PRDM15: variants seen among roughly 807,000 people sequenced by gnomAD.
The protein encoded by PRDM15 is PR/SET domain 15.
A neutral mutation model predicts 128.6 loss-of-function variants in PRDM15; 64 were observed. That is an observed-to-expected ratio of 0.50 (90% CI 0.41 to 0.61). The LOEUF (loss-of-function observed/expected upper bound fraction) is 0.61, where lower values mean the gene tolerates loss of function less well. PRDM15 is among the 20% of genes least tolerant of loss of function. The pLI is 0.00. For missense variants in PRDM15, 1,242 were observed against 1,569.1 expected (o/e 0.79, Z 3.52); for synonymous variants, 615 against 621.8 (o/e 0.99, Z 0.16).
intron 1 of PRDM15, among the ~76,000 whole-genome samples, chr21:41,878,357 G>GA (rs1470694834): frequency 9.2e-5 from 14 of 152,098 alleles, no homozygotes; most frequent in Non-Finnish European, 1.6e-4. Flanking sequence ...ATTTGTGGGG[G>GA]AAAAAACCAT....
chr21:41,820,992 T>C (rs2062239376), intron 16 of PRDM15, 75 bp downstream of exon 16: 3 of 1,577,966 alleles, frequency 1.9e-6, no homozygotes, highest in South Asian at 1.1e-5. Context: ...TGGCTCCTTA[T>C]AGCATGTGTC....
Position 41,800,245 on chromosome 21 carries a change from G to A in PRDM15, c.*995C>T, listed in dbSNP as rs2061384981. On this transcript the variant is annotated 3_prime_UTR_variant, in exon 24 of 24. Transcript: ENST00000398548. The stretch of plus-strand genomic sequence containing the variant: ...CTTTTCCCCCGTTTCTTCCACTCGG[G>A]ATTCTGGCTGGGCTTCAGCCAGAAT... The A allele has an allele frequency of 6.6e-6, 1 of 152,208 alleles. No individual in the cohort carries two copies. The highest frequency in any genetic ancestry group is 6.5e-5 in the Admixed American group (1 of 15,286). 9.4% of individuals were successfully genotyped at this position (152,208 alleles called of 1,614,324 possible).
intron 1 of PRDM15, among the ~76,000 whole-genome samples, chr21:41,873,909 G>A (rs1025731215): frequency 2.0e-5 from 3 of 152,034 alleles, no homozygotes; most frequent in Non-Finnish European, 4.4e-5. Flanking sequence ...AGCCAGGCAT[G>A]GTGGCACATG....
At chr21:41,834,814 G>A (rs1377519412) in intron 11 of PRDM15, among the ~76,000 whole-genome samples, 1 of 152,258 alleles carries the variant, frequency 6.6e-6, no homozygotes, top group Non-Finnish European at 1.5e-5. Context: ...TTCGGCCAGA[G>A]AGACAGGGGC....
rs2061816307 is a variant in PRDM15, at chr21:41,810,133, G to A, written c.2652+21C>T. 1.3e-6 allele frequency: 2 copies of A among 1,592,018 alleles called. No homozygotes were observed. Among genetic ancestry groups the A allele is most frequent in the Non-Finnish European group, 1.7e-6 (2 of 1,169,332 alleles). ...CGCGGCCCGCTGGCGGGGCACGGAG[G>A]GGGCACAGCCACCAGCTCACCTCGG... is the stretch of plus-strand genomic sequence containing the variant. On this transcript the variant is annotated intron_variant, in intron 21 of 23. Coordinates refer to ENST00000398548, the MANE Select transcript of PRDM15 (RefSeq NM_001040424.3). The surrounding 1 kb of genome is among the most constrained non-coding windows in gnomAD (Gnocchi z 6.4).
chr21:41,831,647 G>A (rs2062695843), intron 11 of PRDM15, among the ~76,000 whole-genome samples: 1 of 152,224 alleles, frequency 6.6e-6, no homozygotes, highest in Non-Finnish European at 1.5e-5. Context: ...AGGCATGGCC[G>A]ACAGCGAAGA....
At chr21:41,869,900 A>G (rs2064151656) in intron 1 of PRDM15, among the ~76,000 whole-genome samples, 1 of 152,210 alleles carries the variant, frequency 6.6e-6, no homozygotes, top group Non-Finnish European at 1.5e-5. Flanking sequence ...CCTCTGTCAA[A>G]GCCGGATGCC....
chr21:41,871,892 C>T (rs1055282848), intron 1 of PRDM15: 11 of 319,862 alleles, frequency 3.4e-5, no homozygotes, highest in African/African-American at 1.3e-4. Flanking sequence ...CCTCCACCTG[C>T]GCACACCTAC....
chr21:41,863,941 T>A (rs2063910411), intron 1 of PRDM15, among the ~76,000 whole-genome samples: 1 of 151,986 alleles, frequency 6.6e-6, no homozygotes, highest in Non-Finnish European at 1.5e-5. Context: ...CCTCCCAAGT[T>A]CAAGCGATTC....
At chr21:41,836,067 T>C (rs1362945715) in intron 10 of PRDM15, 46 bp downstream of exon 10, 1 of 1,354,192 alleles carries the variant, frequency 7.4e-7, no homozygotes, top group Non-Finnish European at 1.0e-6. Flanking sequence ...GTTGTCTGTG[T>C]TGTCCACACA....
intron 1 of PRDM15, among the ~76,000 whole-genome samples, chr21:41,860,794 G>A (rs1047427261): frequency 5.3e-5 from 8 of 152,174 alleles, no homozygotes; most frequent in African/African-American, 1.9e-4. Context: ...ATTACGTGGT[G>A]TTCTAAAGAG....
intron 1 of PRDM15, among the ~76,000 whole-genome samples, chr21:41,860,840 G>C (rs1019465515): frequency 1.3e-5 from 2 of 152,126 alleles, no homozygotes; most frequent in Admixed American, 1.3e-4. Context: ...TGTGGGATGG[G>C]GCTGGGATCC....
intron 8 of PRDM15, among the ~76,000 whole-genome samples, chr21:41,837,402 A>G (rs2062930350): frequency 6.6e-6 from 1 of 152,234 alleles, no homozygotes; most frequent in South Asian, 2.1e-4. Context: ...GACACAGGCT[A>G]CACATGGATG....
chr21:41,829,683 T>G (rs1409396955), intron 11 of PRDM15, among the ~76,000 whole-genome samples: 1 of 143,004 alleles, frequency 7.0e-6, no homozygotes, highest in Non-Finnish European at 1.5e-5. Flanking sequence ...ACCCCAAATA[T>G]ACACACACCA....
chr21:41,879,319 A>T lies in PRDM15; in HGVS notation c.-59T>A. ...GATCGGATCCGGACTCCGGGTTGCG[A>T]TCCGCTCCGGAAACTGCGCAGCACC... is the stretch of plus-strand genomic sequence containing the variant. On this transcript the variant is annotated 5_prime_UTR_variant, in exon 1 of 24. Transcript: ENST00000398548. The surrounding 1 kb of genome is among the most constrained non-coding windows in gnomAD (Gnocchi z 5.1). 9.1e-7 allele frequency: 1 copy of T among 1,093,152 alleles called. No individual in the cohort carries two copies. The highest frequency in any genetic ancestry group is 1.1e-6 in the Non-Finnish European group (1 of 891,048). 67.7% of individuals were successfully genotyped at this position (1,093,152 alleles called of 1,614,324 possible). A position where few individuals can be genotyped will look rare whatever the true frequency, so the allele number is the denominator to read the frequency against.
intron 12 of PRDM15, among the ~76,000 whole-genome samples, chr21:41,827,321 G>A (rs771499372): frequency 5.9e-5 from 9 of 152,178 alleles, no homozygotes; most frequent in Admixed American, 2.0e-4. Context: ...AGGCACATGC[G>A]TATGCCTATT....
intron 1 of PRDM15, chr21:41,878,671 A>AG (rs1322381729): frequency 2.0e-6 from 3 of 1,493,278 alleles, no homozygotes; most frequent in Non-Finnish European, 2.7e-6. Context: ...AATAAGGCGC[A>AG]GGGGGTCTGG....
At chr21:41,867,328 TG>T (rs767985078) in intron 1 of PRDM15, 1 of 1,613,808 alleles carries the variant, frequency 6.2e-7, no homozygotes, top group South Asian at 1.1e-5. Flanking sequence ...TCCCCAGGGC[TG>T]GGGGCAGATT....
At chr21:41,835,594 G>GCTGCC in intron 10 of PRDM15, 70 bp from the exon 11 acceptor site, 2 of 1,314,160 alleles carry the variant, frequency 1.5e-6, no homozygotes, top group Non-Finnish European at 2.2e-6. Flanking sequence ...CCCCCGACGT[G>GCTGCC]CTGCCCGGGC....
Sources: allele counts gnomAD v4.1 joint callset (sites outside exome capture counted in the v4.1 genomes callset), GRCh38; gene constraint gnomAD v4.1.1; non-coding constraint Gnocchi (gnomAD v3.1); transcripts MANE v1.5; gene names NCBI Gene and HGNC (gene_info 2026-07-23, HGNC 2026-07-21).